The following LMNTD1 variants were observed in gnomAD, a reference collection of about 807,000 sequenced individuals.
The protein encoded by LMNTD1 is lamin tail domain containing 1.
Under a neutral mutation model 50.9 loss-of-function variants are expected in LMNTD1, and 35 were observed. That is an observed-to-expected ratio of 0.69 (90% CI 0.53 to 0.91). The LOEUF is 0.91. Ranked by LOEUF, LMNTD1 falls within the 40% of genes least tolerant of loss-of-function variation. LMNTD1 has a pLI of 0.00. For missense variants in LMNTD1, 470 were observed against 475.5 expected (o/e 0.99, Z 0.11); for synonymous variants, 153 against 161.9 (o/e 0.94, Z 0.42).
chr12:25,511,275 TTAAG>T (rs1388444463), intron 8 of LMNTD1, among the ~76,000 whole-genome samples: 7 of 152,134 alleles, frequency 4.6e-5, no homozygotes, highest in Non-Finnish European at 1.0e-4. Context: ...ATGAAGATTT[TTAAG>T]TAAGAGAAGA....
intron 1 of LMNTD1, among the ~76,000 whole-genome samples, chr12:25,618,023 T>C (rs1946384513): frequency 6.6e-6 from 1 of 152,214 alleles, no homozygotes; most frequent in Admixed American, 6.5e-5. Flanking sequence ...GTGTATGCAG[T>C]GCTGACACAA....
At chr12:25,620,255 CA>C (rs918235408) in intron 1 of LMNTD1, among the ~76,000 whole-genome samples, 7 of 152,008 alleles carry the variant, frequency 4.6e-5, no homozygotes, top group South Asian at 2.1e-4. Context: ...GGCATTTCAA[CA>C]AAAAAAGGCC....
intron 1 of LMNTD1, among the ~76,000 whole-genome samples, chr12:25,601,430 T>G (rs974322569): frequency 1.3e-5 from 2 of 151,878 alleles, no homozygotes; most frequent in African/African-American, 4.8e-5. Flanking sequence ...CAATAATAAT[T>G]TCATTATACA....
chr12:25,491,023 CAGATAG>C (rs1938864834), intron 9 of LMNTD1, among the ~76,000 whole-genome samples: 1 of 152,198 alleles, frequency 6.6e-6, no homozygotes, highest in African/African-American at 2.4e-5. Context: ...TGGCTCTTGC[CAGATAG>C]AGATGGAGCA....
chr12:25,486,617 TTCAG>T (rs1315743414), intron 9 of LMNTD1, among the ~76,000 whole-genome samples: 1 of 149,414 alleles, frequency 6.7e-6, no homozygotes, highest in Non-Finnish European at 1.5e-5. Flanking sequence ...TTTTTGCCCA[TTCAG>T]TATGATATTG....
intron 9 of LMNTD1, among the ~76,000 whole-genome samples, chr12:25,502,350 T>G (rs1939441685): frequency 6.6e-6 from 1 of 152,220 alleles, no homozygotes; most frequent in Admixed American, 6.5e-5. Context: ...TGTTGCTAAA[T>G]GCCTGGGCAG....
chr12:25,479,687 T>A (rs1388550464), intron 9 of LMNTD1, among the ~76,000 whole-genome samples: 3 of 152,120 alleles, frequency 2.0e-5, no homozygotes, highest in African/African-American at 7.2e-5. Flanking sequence ...AGTCCACAGA[T>A]GGTAGTCTTG....
chr12:25,528,215 C>T (rs1941952039), intron 4 of LMNTD1, among the ~76,000 whole-genome samples: 2 of 152,132 alleles, frequency 1.3e-5, no homozygotes, highest in Admixed American at 1.3e-4. Context: ...GTGAGGAACA[C>T]TGTATTATCT....
At chr12:25,542,149 T>G (rs1031008604) in intron 4 of LMNTD1, among the ~76,000 whole-genome samples, 2 of 151,796 alleles carry the variant, frequency 1.3e-5, no homozygotes, top group African/African-American at 4.8e-5. Flanking sequence ...TCAACCATTG[T>G]GGAAGTCAGT....
chr12:25,537,139 G>A (rs7958649), intron 4 of LMNTD1, among the ~76,000 whole-genome samples: 8 of 152,186 alleles, frequency 5.3e-5, no homozygotes, highest in African/African-American at 9.7e-5. Context: ...AGGCAGCAGC[G>A]AGGCTGGGGG....
chr12:25,504,538 A>G (rs1311975957), intron 8 of LMNTD1, among the ~76,000 whole-genome samples: 1 of 146,932 alleles, frequency 6.8e-6, no homozygotes, highest in Non-Finnish European at 1.5e-5. Context: ...AAAACGAAAT[A>G]ATATCCTAGG....
intron 1 of LMNTD1, among the ~76,000 whole-genome samples, chr12:25,625,147 T>A (rs1291275734): frequency 6.6e-6 from 1 of 152,218 alleles, no homozygotes; most frequent in Non-Finnish European, 1.5e-5. Flanking sequence ...TCCTCATTTT[T>A]TCTTATCAAC....
intron 9 of LMNTD1, among the ~76,000 whole-genome samples, chr12:25,499,139 C>T (rs1023608786): frequency 6.6e-6 from 1 of 152,122 alleles, no homozygotes. Flanking sequence ...TGGCATGATC[C>T]TAGCTCACTG....
chr12:25,510,990 T>C (rs947340669), intron 8 of LMNTD1, among the ~76,000 whole-genome samples: 1 of 152,146 alleles, frequency 6.6e-6, no homozygotes, highest in African/African-American at 2.4e-5. Flanking sequence ...AAAAAACTCA[T>C]TTGGTGGGGA....
intron 1 of LMNTD1, among the ~76,000 whole-genome samples, chr12:25,645,555 G>A (rs555516476): frequency 5.3e-5 from 8 of 152,318 alleles, no homozygotes; most frequent in Admixed American, 5.2e-4. Context: ...ATTATGTGTG[G>A]CTAAGAAGCA....
In LMNTD1 at chr12:25,628,876, G is replaced by A. The variant is rs140970105; in HGVS notation, c.58+19618C>T. 5.7e-3 allele frequency among the ~76,000 whole-genome samples: 873 copies of A among 152,236 alleles called. 12 individuals are homozygous for A. The highest frequency in any genetic ancestry group is 0.044 in the South Asian group (211 of 4,818). On this transcript the variant is annotated intron_variant, in intron 1 of 7. Coordinates refer to the LMNTD1 transcript ENST00000445693. Reference sequence around the variant, plus strand: ...TCCAGAACTGTGGGAGAATAAACCTGTATTGTTTTAAGCCATCAAGTTTTT... The same window carrying A: ...TCCAGAACTGTGGGAGAATAAACCTATATTGTTTTAAGCCATCAAGTTTTT...
At chr12:25,509,960 A>C (rs762325279) in intron 8 of LMNTD1, among the ~76,000 whole-genome samples, 7 of 152,168 alleles carry the variant, frequency 4.6e-5, no homozygotes, top group Non-Finnish European at 1.0e-4. Context: ...TGAGAGAATA[A>C]ATTTCTATTG....
At chr12:25,510,194 T>C (rs1691797494) in intron 8 of LMNTD1, among the ~76,000 whole-genome samples, 1 of 152,206 alleles carries the variant, frequency 6.6e-6, no homozygotes, top group Non-Finnish European at 1.5e-5. Context: ...TTTCTTTCTA[T>C]TTGAAGTATT....
chr12:25,642,458 C>T (rs1361883977), intron 1 of LMNTD1, among the ~76,000 whole-genome samples: 1 of 152,064 alleles, frequency 6.6e-6, no homozygotes, highest in African/African-American at 2.4e-5. Flanking sequence ...AGAACCCAAC[C>T]ATGCTGCACT....
Sources: gnomAD v4.1 joint callset for allele counts (sites outside exome capture counted in the v4.1 genomes callset) on GRCh38, gnomAD v4.1.1 for gene constraint, MANE v1.5 for transcripts, NCBI Gene and HGNC (gene_info 2026-07-23, HGNC 2026-07-21) for gene names.